KCNMA1: variants seen among roughly 807,000 people sequenced by gnomAD.
The protein encoded by KCNMA1 is potassium calcium-activated channel subfamily M alpha 1.
In KCNMA1, 29 loss-of-function variants were observed where a neutral mutation model predicts 140.0. The ratio of observed to expected loss-of-function variants is 0.21; its 90% CI spans 0.15 to 0.28. The LOEUF (loss-of-function observed/expected upper bound fraction) is 0.28, where lower values mean the gene tolerates loss of function less well. Ranked by LOEUF, KCNMA1 falls within the 10% of genes least tolerant of loss-of-function variation. KCNMA1 has a pLI of 1.00. For missense variants in KCNMA1, 880 were observed against 1,602.2 expected (o/e 0.55, Z 7.70); for synonymous variants, 612 against 611.9 (o/e 1.00, Z 0.00).
rs2065337286 is a variant in KCNMA1, at chr10:76,949,239, T to C, written c.2612A>G (p.Tyr871Cys). The C allele has an allele frequency of 6.2e-7, 1 of 1,614,162 alleles. No homozygotes were observed. The highest frequency in any genetic ancestry group is 1.7e-5 in the Admixed American group (1 of 60,020). Residue 871 changes from tyrosine to cysteine, a missense_variant, in exon 22 of 28, where the codon TAC becomes TGC. Physicochemically the swap from Tyr to Cys is radical, Grantham distance 194 (BLOSUM62 -2). This residue lies in a region of KCNMA1 where 82 missense variants were observed against 170.1 expected (regional missense o/e 0.48). Transcript: ENST00000286628. ...AAACACAATGTGCTTGAGCTCATGG[T>C]AATGAAAGTTGCTGGCACGGAGCGG... ...VMPLRASNFH[Y>C]HELKHIVFVG... is the part of the protein sequence containing the mutation.
intron 2 of KCNMA1, among the ~76,000 whole-genome samples, chr10:77,319,653 G>A (rs775767265): frequency 2.6e-5 from 4 of 152,206 alleles, no homozygotes; most frequent in Admixed American, 2.6e-4. Context: ...GTTAAGTGTG[G>A]CTGAGTGCTG....
At position 77,628,383 on chromosome 10, in the gene KCNMA1, C is replaced by T. The variant is rs868312965; in HGVS notation, c.378+8882G>A. 5.3e-5 allele frequency among the ~76,000 whole-genome samples: 8 copies of T among 152,294 alleles called. No homozygotes were observed. The South Asian group carries it at 8.3e-4, about 16-fold the overall frequency. The stretch of plus-strand genomic sequence containing the variant: ...CAAAAACCTAAAATCTCGCCGGGCG[C>T]GGTGGCTCATGCCTGTAATCCCAGC... On this transcript the variant is annotated intron_variant, in intron 1 of 27. Transcript: ENST00000286628.
chr10:77,243,996 C>T (rs887344428), intron 3 of KCNMA1, among the ~76,000 whole-genome samples: 18 of 152,194 alleles, frequency 1.2e-4, no homozygotes, highest in African/African-American at 3.6e-4. Context: ...TGTTCTTTCC[C>T]ATGGCCCTAA....
chr10:76,885,870 C>A lies in KCNMA1; in HGVS notation c.*1396G>T, dbSNP rs2036665425. ...AGAAAACAAAAGAAGAAAAAAATAACTATACCAAAATGTGTTTGGCTCACT... is the reference window on the plus strand; with the variant it reads ...AGAAAACAAAAGAAGAAAAAAATAAATATACCAAAATGTGTTTGGCTCACT... On this transcript the variant is annotated 3_prime_UTR_variant, in exon 28 of 28. Transcript: ENST00000286628. 1.0e-6 allele frequency: 1 copy of A among 985,206 alleles called. No homozygotes were observed. Among genetic ancestry groups the A allele is most frequent in the Non-Finnish European group, 1.2e-6 (1 of 829,730 alleles). The allele number at this position is 985,206 out of a possible 1,614,324, so 61.0% of individuals were successfully genotyped here.
intron 16 of KCNMA1, chr10:77,020,734 T>C (rs938010172): frequency 1.3e-5 from 2 of 152,334 alleles, no homozygotes; most frequent in East Asian, 3.9e-4. Flanking sequence ...CAATTCAGTA[T>C]GATGTTTTAG....
intron 2 of KCNMA1, among the ~76,000 whole-genome samples, chr10:77,344,759 C>G (rs1427176893): frequency 6.6e-6 from 1 of 152,106 alleles, no homozygotes; most frequent in East Asian, 1.9e-4. Flanking sequence ...TCACTCATCA[C>G]TACCTTAAAG....
intron 2 of KCNMA1, among the ~76,000 whole-genome samples, chr10:77,386,611 A>T (rs1413301801): frequency 6.6e-6 from 1 of 152,208 alleles, no homozygotes; most frequent in Non-Finnish European, 1.5e-5. Context: ...GGTAAAGAGA[A>T]CTTTGCTTTG....
At chr10:77,099,413 T>G (rs1173231805) in intron 9 of KCNMA1, among the ~76,000 whole-genome samples, 1 of 152,118 alleles carries the variant, frequency 6.6e-6, no homozygotes, top group Non-Finnish European at 1.5e-5. Flanking sequence ...CTCAACATAC[T>G]TGCATAGGCC....
intron 2 of KCNMA1, among the ~76,000 whole-genome samples, chr10:77,312,071 G>A (rs1049766829): frequency 5.3e-5 from 8 of 152,230 alleles, no homozygotes; most frequent in African/African-American, 1.2e-4. Context: ...CTATGACTGC[G>A]CAAGCGAAGG....
rs1049962108 is a variant in KCNMA1 at position 76,977,524 on chromosome 10, A to G, written c.2267-7457T>C. The G allele has an allele frequency of 1.3e-5, 9 of 702,750 alleles. No individual in the cohort carries two copies. In the African/African-American group the frequency reaches 1.4e-4, roughly 11 times the overall value. The allele number at this position is 702,750 out of a possible 1,614,324, so 43.5% of individuals were successfully genotyped here. Reference sequence around the variant, plus strand: ...AGAGACCATATGGGTTGCAAAGACTAAGATATTAACTCGCTGACCTTTGAC... The same window carrying G: ...AGAGACCATATGGGTTGCAAAGACTGAGATATTAACTCGCTGACCTTTGAC... On this transcript the variant is annotated intron_variant, in intron 19 of 27. Coordinates refer to ENST00000286628, the MANE Select transcript of KCNMA1 (RefSeq NM_001161352.2).
intron 9 of KCNMA1, among the ~76,000 whole-genome samples, chr10:77,106,243 T>A (rs2097195478): frequency 6.6e-6 from 1 of 151,848 alleles, no homozygotes; most frequent in South Asian, 2.1e-4. Flanking sequence ...GCAAAGTGCA[T>A]TTTCATAAAC....
chr10:76,951,355 C>T (rs1027353180), intron 21 of KCNMA1, among the ~76,000 whole-genome samples: 4 of 152,164 alleles, frequency 2.6e-5, no homozygotes, highest in Non-Finnish European at 5.9e-5. Context: ...CTCTATGTAT[C>T]TGGAATTCCC....
intron 21 of KCNMA1, chr10:76,949,594 TACAC>T (rs752841871): frequency 8.6e-5 from 49 of 572,650 alleles, no homozygotes; most frequent in Non-Finnish European, 1.2e-4. Context: ...TGTATAGCCA[TACAC>T]ATTGCTACCT....
intron 1 of KCNMA1, among the ~76,000 whole-genome samples, chr10:77,555,691 C>T (rs754983306): frequency 3.9e-5 from 6 of 152,166 alleles, no homozygotes; most frequent in Non-Finnish European, 5.9e-5. Context: ...GTAAAAACAT[C>T]ATTTTCCACT....
chr10:77,453,181 G>C (rs908236740), intron 1 of KCNMA1, among the ~76,000 whole-genome samples: 1 of 151,994 alleles, frequency 6.6e-6, no homozygotes, highest in African/African-American at 2.4e-5. Context: ...TGGCCCCTGT[G>C]ACCAGCATTT....
intron 2 of KCNMA1, among the ~76,000 whole-genome samples, chr10:77,386,445 A>G (rs71475653): frequency 0.048 from 7,264 of 152,320 alleles, 249 homozygotes; most frequent in Non-Finnish European, 0.075. Context: ...GTTACGGCCC[A>G]AGAATATGAC....
chr10:77,054,530 G>A (rs7099467), intron 14 of KCNMA1, among the ~76,000 whole-genome samples: 62,922 of 151,832 alleles, frequency 0.41, 14,716 homozygotes, highest in Non-Finnish European at 0.53. Context: ...TACTTACAGG[G>A]TATGGAAAAA....
intron 5 of KCNMA1, among the ~76,000 whole-genome samples, chr10:77,154,039 A>T (rs561706813): frequency 6.6e-6 from 1 of 152,174 alleles, no homozygotes; most frequent in African/African-American, 2.4e-5. Context: ...CAAGGGTGGG[A>T]CCAGGTGGAG....
intron 1 of KCNMA1, among the ~76,000 whole-genome samples, chr10:77,477,628 G>A (rs765858676): frequency 1.3e-4 from 20 of 152,128 alleles, no homozygotes; most frequent in Non-Finnish European, 2.8e-4. Flanking sequence ...ATGGAGTTGG[G>A]GAGTGGCACT....
Sources: allele counts gnomAD v4.1 joint callset (sites outside exome capture counted in the v4.1 genomes callset), GRCh38; gene constraint gnomAD v4.1.1; regional missense constraint gnomAD v4.1.1; transcripts MANE v1.5; gene names NCBI Gene and HGNC (gene_info 2026-07-23, HGNC 2026-07-21).